The following SLC5A11 variants were observed in gnomAD, a reference collection of about 807,000 sequenced individuals.
SLC5A11 encodes sodium/myo-inositol cotransporter 2.
A neutral mutation model predicts 69.8 loss-of-function variants in SLC5A11; 48 were observed. That is an observed-to-expected ratio of 0.69 (90% CI 0.55 to 0.87). SLC5A11 has a LOEUF of 0.87. Ranked by LOEUF, SLC5A11 falls within the 40% of genes least tolerant of loss-of-function variation. The probability of loss-of-function intolerance (pLI) is 0.00; values close to 1 mark genes in which losing one functional copy is unlikely to be tolerated. For missense variants in SLC5A11, 784 were observed against 866.1 expected, an observed-to-expected ratio of 0.91 and a Z score of 1.19; for synonymous variants, 319 against 342.4, an observed-to-expected ratio of 0.93 and a Z score of 0.75.
At chr16:24,888,478 C>CTTTTTTTTTT (rs891552223) in intron 8 of SLC5A11, among the ~76,000 whole-genome samples, 2 of 81,412 alleles carry the variant, frequency 2.5e-5, no homozygotes, top group Non-Finnish European at 4.4e-5. Context: ...GTATCTATTT[C>CTTTTTTTTTT]TTTTTTTTTT....
At chr16:24,871,257 C>CTGCT (rs10668873) in intron 4 of SLC5A11, among the ~76,000 whole-genome samples, 27,914 of 151,858 alleles carry the variant, frequency 0.18, 2,672 homozygotes, top group Non-Finnish European at 0.21. Flanking sequence ...AGTGTTATTT[C>CTGCT]TGCTTGTTTG....
intron 1 of SLC5A11, among the ~76,000 whole-genome samples, chr16:24,847,971 G>A (rs914233631): frequency 3.3e-5 from 5 of 152,214 alleles, no homozygotes; most frequent in African/African-American, 1.2e-4. Flanking sequence ...ATTAGACTGT[G>A]ATGAGAAGTT....
At position 24,908,136 on chromosome 16, in the gene SLC5A11, C is replaced by T. The variant is rs2050213523; in HGVS notation, c.1434+5C>T. The T allele has an allele frequency of 6.4e-7, 1 of 1,571,878 alleles. No homozygotes were observed. Among genetic ancestry groups the T allele is most frequent in the South Asian group, 1.2e-5 (1 of 83,184 alleles). On this transcript the variant is annotated splice_donor_5th_base_variant and intron_variant, in intron 13 of 15. Transcript: ENST00000347898. Reference sequence around the variant, plus strand: ...TGGAAGAGGACCAATGAAAAGGTAGCTCTGGATGGCTCCCACTATGCCAGA... The same window carrying T: ...TGGAAGAGGACCAATGAAAAGGTAGTTCTGGATGGCTCCCACTATGCCAGA...
chr16:24,892,440 G>A (rs1215192125), intron 9 of SLC5A11, among the ~76,000 whole-genome samples: 2 of 119,562 alleles, frequency 1.7e-5, no homozygotes, highest in South Asian at 6.7e-4. Context: ...AAGTCCTTTT[G>A]TGTTAAAAAA....
At chr16:24,865,335 C>T (rs1319822043) in intron 3 of SLC5A11, among the ~76,000 whole-genome samples, 5 of 152,084 alleles carry the variant, frequency 3.3e-5, no homozygotes, top group Non-Finnish European at 4.4e-5. Context: ...CCAAAGCAGG[C>T]GGATCACTTG....
At chr16:24,906,908 G>A in intron 11 of SLC5A11, 117 bp from the exon 13 acceptor site, 1 of 1,459,722 alleles carries the variant, frequency 6.9e-7, no homozygotes, top group South Asian at 1.3e-5. Context: ...GCTACGTCCT[G>A]CAGGAAGCTC....
At chr16:24,910,397 A>G in exon 15 of SLC5A11, 1 of 1,614,126 alleles carries the variant, frequency 6.2e-7, no homozygotes, top group Non-Finnish European at 8.5e-7. Context: ...ACCCTCTCTC[A>G]GAACGGGATG....
At chr16:24,847,624 G>A (rs2059087810) in intron 1 of SLC5A11, among the ~76,000 whole-genome samples, 1 of 152,124 alleles carries the variant, frequency 6.6e-6, no homozygotes, top group African/African-American at 2.4e-5. Flanking sequence ...GCAAAGTGCT[G>A]GGATTACAGG....
At chr16:24,875,665 T>C in exon 6 of SLC5A11, 7 of 1,613,944 alleles carry the variant, frequency 4.3e-6, no homozygotes, top group Non-Finnish European at 5.9e-6. Context: ...AGCGCTTCGG[T>C]GGCATCAGAA....
At chr16:24,905,378 A>G (rs1294600699) in intron 10 of SLC5A11, among the ~76,000 whole-genome samples, 1 of 151,450 alleles carries the variant, frequency 6.6e-6, no homozygotes, top group Non-Finnish European at 1.5e-5. Context: ...TGGAAGAGGA[A>G]GTTGCAGTGA....
At chr16:24,849,621 T>TATATCTGC (rs1460290781) in intron 1 of SLC5A11, among the ~76,000 whole-genome samples, 1 of 123,698 alleles carries the variant, frequency 8.1e-6, no homozygotes, top group African/African-American at 3.1e-5. Context: ...TATATATATA[T>TATATCTGC]ATCCATGAGA....
intron 1 of SLC5A11, among the ~76,000 whole-genome samples, chr16:24,852,296 C>A (rs943375950): frequency 2.8e-4 from 43 of 152,290 alleles, no homozygotes; most frequent in African/African-American, 1.0e-3. Context: ...CTTTTCTGAT[C>A]TTTTCCTTGC....
rs1314158173 is a variant in SLC5A11, at chr16:24,889,620, T to C, written c.665-1249T>C. Among the ~76,000 whole-genome samples, 6 of 142,674 alleles carry C rather than the reference T, an allele frequency of 4.2e-5. No homozygotes were observed. The East Asian group carries it at 1.3e-3, about 30-fold the overall frequency. The allele number at this position is 142,674 out of a possible 152,430, so 93.6% of individuals were successfully genotyped here. ...CAGGCTGGAATGCAGTGGCGCAATCTTGCCTCACTGCAACCTCTACCTCCA... is the reference window on the plus strand; with the variant it reads ...CAGGCTGGAATGCAGTGGCGCAATCCTGCCTCACTGCAACCTCTACCTCCA... On this transcript the variant is annotated intron_variant, in intron 8 of 15. Coordinates refer to ENST00000347898, the Ensembl canonical transcript of SLC5A11.
At position 24,907,979 on chromosome 16, in the gene SLC5A11, C is replaced by T. The variant is rs765329902; in HGVS notation, c.1282C>T (p.Leu428=). 3.1e-6 allele frequency: 5 copies of T among 1,614,066 alleles called. No homozygotes were observed. In the East Asian group the frequency reaches 1.1e-4, roughly 36 times the overall value. ...CGGCACCAGGGTGTTTGTGCTGCTG[C>T]TGGTCCTGGTCTCCATCCTCTGGAT... The change falls in exon 13 of 16, where the codon CTG becomes TTG. Residue 428 remains leucine, a synonymous_variant. Coordinates refer to ENST00000347898, the Ensembl canonical transcript of SLC5A11.
intron 10 of SLC5A11, among the ~76,000 whole-genome samples, chr16:24,904,734 A>C (rs564691247): frequency 6.6e-6 from 1 of 152,056 alleles, no homozygotes; most frequent in African/African-American, 2.4e-5. Context: ...CTGGAAAAAA[A>C]CCCTCTTCTG....
chr16:24,898,059 C>T, exon 10 of SLC5A11: 1 of 1,614,110 alleles, frequency 6.2e-7, no homozygotes, highest in Non-Finnish European at 8.5e-7. Context: ...AAGGTGCTGC[C>T]CCTCTTCATA....
rs1256443291 is a variant in SLC5A11, at chr16:24,910,487, TTC to T, written c.1822+15_1822+16del. The T allele has an allele frequency of 6.2e-7, 1 of 1,613,224 alleles. No homozygotes were observed. The highest frequency in any genetic ancestry group is 8.5e-7 in the Non-Finnish European group (1 of 1,179,742). ...TCTAAAACCCACAGCTGTGAGTAGCTTCTCTCCTCAGTTACAGCAAGAAGGAG... is the reference window on the plus strand; with the variant it reads ...TCTAAAACCCACAGCTGTGAGTAGCTTCTCCTCAGTTACAGCAAGAAGGAG... On this transcript the variant is annotated intron_variant, in intron 15 of 15. Coordinates refer to ENST00000347898, the Ensembl canonical transcript of SLC5A11.
intron 5 of SLC5A11, among the ~76,000 whole-genome samples, chr16:24,872,437 C>A (rs139711245): frequency 6.6e-6 from 1 of 152,140 alleles, no homozygotes; most frequent in Non-Finnish European, 1.5e-5. Flanking sequence ...ATCCAAGGCA[C>A]ACAGAAGGCA....
chr16:24,878,864 C>A (rs558977570), intron 7 of SLC5A11, among the ~76,000 whole-genome samples: 6 of 152,250 alleles, frequency 3.9e-5, no homozygotes, highest in East Asian at 3.9e-4. Context: ...AAAACCCGGT[C>A]TCTACTAAAA....
Sources: gnomAD v4.1 joint callset for allele counts (sites outside exome capture counted in the v4.1 genomes callset) on GRCh38, gnomAD v4.1.1 for gene constraint, MANE v1.5 for transcripts, NCBI Gene and HGNC (gene_info 2026-07-23, HGNC 2026-07-21) for gene names.